Variants in SHANK2 observed in about 807,000 individuals in gnomAD.
SHANK2 encodes the protein SH3 and multiple ankyrin repeat domains protein 2.
Under a neutral mutation model 133.7 loss-of-function variants are expected in SHANK2, and 43 were observed. That is an observed-to-expected ratio of 0.32 (90% confidence interval 0.25 to 0.41). The LOEUF (loss-of-function observed/expected upper bound fraction) is 0.41. Ranked by LOEUF, SHANK2 falls within the 10% of genes least tolerant of loss-of-function variation. The pLI is 1.00. For missense variants in SHANK2, 1,994 were observed against 2,235.8 expected, an observed-to-expected ratio of 0.89 and a Z score of 2.18; for synonymous variants, 1,017 against 952.8, an observed-to-expected ratio of 1.07 and a Z score of -1.24.
At chr11:70,869,702 C>T (rs1036433052) in intron 11 of SHANK2, among the ~76,000 whole-genome samples, 1 of 152,172 alleles carries the variant, frequency 6.6e-6, no homozygotes, top group Non-Finnish European at 1.5e-5. Context: ...CGGTGACCAC[C>T]GTGTCATCTT....
intron 14 of SHANK2, among the ~76,000 whole-genome samples, chr11:70,736,058 C>T (rs1946397726): frequency 6.6e-6 from 1 of 151,196 alleles, no homozygotes; most frequent in Non-Finnish European, 1.5e-5. Context: ...CAAGGATGGG[C>T]AAACTAGATC....
rs71049962 is a variant in SHANK2 at position 71,210,210 on chromosome 11, GTATATATATATATATATATATATA to G, written c.-13+14463_-13+14486del. Among the ~76,000 whole-genome samples the G allele has an allele frequency of 7.2e-4, 39 of 54,044 alleles. 2 individuals are homozygous for G. Among genetic ancestry groups the G allele is most frequent in the South Asian group, 1.8e-3 (3 of 1,708 alleles). 35.5% of individuals were successfully genotyped at this position (54,044 alleles called of 152,430 possible). A position where few individuals can be genotyped will look rare whatever the true frequency, so the allele number is the denominator to read the frequency against. ...GGTCCTCTTCATTGGAAATCCACAGGTATATATATATATATATATATATATATATATATATATATATATTTATTT... is the reference window on the plus strand; with the variant it reads ...GGTCCTCTTCATTGGAAATCCACAGGTATATATATATATATATATTTATTT... On this transcript the variant is annotated intron_variant, in intron 2 of 25. Transcript: ENST00000601538.
At chr11:71,229,219 G>A (rs1954695236) in intron 1 of SHANK2, among the ~76,000 whole-genome samples, 2 of 152,280 alleles carry the variant, frequency 1.3e-5, no homozygotes, top group South Asian at 2.1e-4. Flanking sequence ...AGAGCTGGAT[G>A]TTCTAGCAAG....
chr11:70,881,056 G>A (rs142175268), intron 11 of SHANK2, among the ~76,000 whole-genome samples: 153 of 152,288 alleles, frequency 1.0e-3, no homozygotes, highest in African/African-American at 3.6e-3. Context: ...TTTGTTAATA[G>A]AAACAGAATC....
chr11:70,821,587 G>T (rs1360887669), intron 11 of SHANK2, among the ~76,000 whole-genome samples: 2 of 152,144 alleles, frequency 1.3e-5, no homozygotes, highest in East Asian at 3.9e-4. Flanking sequence ...CACCACGCCT[G>T]CTAATTTTTG....
At chr11:70,735,957 A>G (rs1555033448) in intron 14 of SHANK2, among the ~76,000 whole-genome samples, 1 of 151,818 alleles carries the variant, frequency 6.6e-6, no homozygotes. Flanking sequence ...TGCCTTGGGT[A>G]CACACTCCTT....
At chr11:71,245,662 C>T (rs527573278) in intron 1 of SHANK2, among the ~76,000 whole-genome samples, 4 of 152,310 alleles carry the variant, frequency 2.6e-5, no homozygotes, top group Non-Finnish European at 5.9e-5. Context: ...CTGGGCCACA[C>T]GACCTTCGGC....
intron 3 of SHANK2, among the ~76,000 whole-genome samples, chr11:71,141,516 AAAC>A (rs772341319): frequency 4.9e-4 from 75 of 152,204 alleles, no homozygotes; most frequent in Non-Finnish European, 1.0e-3. Flanking sequence ...TCAAACAAAC[AAAC>A]AACAACAAGA....
At chr11:70,787,452 C>T (rs1177400018) in intron 14 of SHANK2, among the ~76,000 whole-genome samples, 18 of 149,926 alleles carry the variant, frequency 1.2e-4, no homozygotes, top group African/African-American at 1.5e-4. Context: ...ACCAAGACCA[C>T]CACCACTAGG....
rs528097578 is a variant in SHANK2, at chr11:70,891,327, C to T, written c.1174+5174G>A. On this transcript the variant is annotated intron_variant, in intron 11 of 25. Coordinates refer to ENST00000601538, the MANE Select transcript of SHANK2 (RefSeq NM_012309.5). ...CAGGAGATCAAGACCACAGCGAAACCCCATCTCTACTAAAGATACAAAAAA... is the reference window on the plus strand; with the variant it reads ...CAGGAGATCAAGACCACAGCGAAACTCCATCTCTACTAAAGATACAAAAAA... Among the ~76,000 whole-genome samples, 45 of 152,136 alleles carry T rather than the reference C, an allele frequency of 3.0e-4. No individual in the cohort carries two copies. The Middle Eastern group carries it at 0.014, about 46-fold the overall frequency.
At chr11:70,759,130 A>C (rs1555039628) in intron 14 of SHANK2, among the ~76,000 whole-genome samples, 3 of 151,756 alleles carry the variant, frequency 2.0e-5, no homozygotes. Flanking sequence ...ACGCCACTGC[A>C]CTCCAGCCTG....
chr11:71,066,257 A>G (rs1241809734), intron 9 of SHANK2, among the ~76,000 whole-genome samples: 1 of 8,762 alleles, frequency 1.1e-4, no homozygotes, highest in Non-Finnish European at 2.0e-4. Flanking sequence ...TTGGCGGGGG[A>G]GGGTACAGAA....
At chr11:70,559,711 G>A (rs1343658184) in intron 17 of SHANK2, among the ~76,000 whole-genome samples, 1 of 152,080 alleles carries the variant, frequency 6.6e-6, no homozygotes, top group African/African-American at 2.4e-5. Flanking sequence ...CAAGGAGGAC[G>A]TGCATCGTAA....
intron 17 of SHANK2, among the ~76,000 whole-genome samples, chr11:70,537,480 C>G (rs1565108900): frequency 6.6e-6 from 1 of 152,202 alleles, no homozygotes; most frequent in South Asian, 2.1e-4. Context: ...AAGTCAGAGA[C>G]AGGATGCAGC....
intron 8 of SHANK2, among the ~76,000 whole-genome samples, chr11:71,085,895 T>A (rs1316335810): frequency 0.27 from 205 of 762 alleles, 7 homozygotes; most frequent in African/African-American, 0.45. Context: ...CCTTAATATA[T>A]ATATTAATTA....
intron 11 of SHANK2, among the ~76,000 whole-genome samples, chr11:70,869,294 C>T (rs1949421041): frequency 6.6e-6 from 1 of 152,312 alleles, no homozygotes; most frequent in Non-Finnish European, 1.5e-5. Context: ...AACTCATACA[C>T]CATAGATCCC....
chr11:70,528,938 G>A (rs542108922), intron 17 of SHANK2, among the ~76,000 whole-genome samples: 7 of 152,256 alleles, frequency 4.6e-5, no homozygotes, highest in South Asian at 2.1e-4. Flanking sequence ...GGAGGCCCCC[G>A]TGACGATTTC....
intron 17 of SHANK2, among the ~76,000 whole-genome samples, chr11:70,505,253 TGCCAGGGTGAAGTTATGG>T: frequency 6.6e-6 from 1 of 152,078 alleles, no homozygotes; most frequent in East Asian, 1.9e-4. Flanking sequence ...GGGCCTTGGA[TGCCAGGGTGAAGTTATGG>T]GCCAGGGAGT....
intron 14 of SHANK2, among the ~76,000 whole-genome samples, chr11:70,729,882 A>C (rs1397981469): frequency 1.4e-5 from 2 of 146,248 alleles, no homozygotes; most frequent in African/African-American, 5.1e-5. Flanking sequence ...TGAGAATGAT[A>C]TCTCAACAAA....
Sources: gnomAD v4.1 joint callset for allele counts (sites outside exome capture counted in the v4.1 genomes callset) on GRCh38, gnomAD v4.1.1 for gene constraint, MANE v1.5 for transcripts, NCBI Gene and HGNC (gene_info 2026-07-23, HGNC 2026-07-21) for gene names.